CHIA: variants seen among roughly 807,000 people sequenced by gnomAD.
CHIA encodes acidic mammalian chitinase.
Under a neutral mutation model 53.5 loss-of-function variants are expected in CHIA, and 47 were observed. The ratio of observed to expected loss-of-function variants is 0.88; its 90% CI spans 0.70 to 1.12. The LOEUF is 1.12. CHIA is among the 50% of genes most tolerant of loss of function. CHIA has a pLI of 0.00. For synonymous variants in CHIA, 268 were observed against 222.2 expected, an observed-to-expected ratio of 1.21 and a Z score of -1.83; for missense variants, 652 against 592.2, an observed-to-expected ratio of 1.10 and a Z score of -1.05.
chr1:111,313,127 T>A (rs1055032867), intron 4 of CHIA, among the ~76,000 whole-genome samples: 6 of 152,198 alleles, frequency 3.9e-5, no homozygotes, highest in Admixed American at 6.5e-5. Context: ...AATTCAGATA[T>A]CTCTTCAACA....
rs1002967608 is a variant in CHIA, at chr1:111,302,336, G to A, written c.-68-8064G>A. Among the ~76,000 whole-genome samples, 30 of 152,114 alleles carry A rather than the reference G, an allele frequency of 2.0e-4. 1 individual carries two copies. Among genetic ancestry groups the A allele is most frequent in the Admixed American group, 1.8e-3 (28 of 15,280 alleles). On this transcript the variant is annotated intron_variant, in intron 1 of 11. Coordinates refer to ENST00000369740, the MANE Select transcript of CHIA (RefSeq NM_201653.4). ...TGTTTCTTTTTCTAGCTCCTTAGGT[G>A]TAATTAGATTGTCAATTTGACATTT...
rs548239621 is a variant in CHIA at position 111,290,913 on chromosome 1, G to C, written c.-106G>C. On this transcript the variant is annotated 5_prime_UTR_variant, in exon 1 of 12. Coordinates refer to ENST00000369740, the MANE Select transcript of CHIA (RefSeq NM_201653.4). The stretch of plus-strand genomic sequence containing the variant: ...GGTGGCCGACTCTGGAGCCCAGGCT[G>C]TTGCTTTCCAGTCTGGTGGTGAATC... 138 of 468,564 alleles carry C rather than the reference G, an allele frequency of 2.9e-4. 1 individual carries two copies. The highest frequency in any genetic ancestry group is 2.1e-3 in the South Asian group (134 of 64,446). The allele number at this position is 468,564 out of a possible 1,614,324, so 29.0% of individuals were successfully genotyped here. A position where few individuals can be genotyped will look rare whatever the true frequency, so the allele number is the denominator to read the frequency against.
At chr1:111,308,180 T>C (rs1332358470) in intron 1 of CHIA, among the ~76,000 whole-genome samples, 1 of 152,228 alleles carries the variant, frequency 6.6e-6, no homozygotes, top group Non-Finnish European at 1.5e-5. Flanking sequence ...ATGTTTAATC[T>C]GTAGGTCATG....
At chr1:111,291,290 A>T (rs532069324) in intron 1 of CHIA, among the ~76,000 whole-genome samples, 1 of 152,336 alleles carries the variant, frequency 6.6e-6, no homozygotes, top group East Asian at 1.9e-4. Context: ...GACTGGATAA[A>T]GAAAATGTGG....
intron 1 of CHIA, among the ~76,000 whole-genome samples, chr1:111,292,484 T>C (rs2101593263): frequency 6.6e-6 from 1 of 152,332 alleles, no homozygotes; most frequent in East Asian, 1.9e-4. Context: ...TCTTACCCTC[T>C]TTGTATGTGA....
In CHIA at chr1:111,312,191, C is replaced by T. The variant is rs545496572; in HGVS notation, c.57C>T (p.Gly19=). The part of the protein sequence containing the change: ...GLVLILNLQL[G]SAYQLTCYFT... ...GTCCCTCCTGCTGACTACACACAGG[C>T]TCTGCCTACCAGCTGACATGCTACT... Residue 19 remains glycine (G), a splice_region_variant and synonymous_variant, in exon 4 of 12, where the codon GGC becomes GGT. Transcript: ENST00000369740. The T allele has an allele frequency of 1.9e-6, 3 of 1,613,630 alleles. No individual in the cohort carries two copies. The highest frequency in any genetic ancestry group is 3.3e-5 in the Admixed American group (2 of 60,024).
chr1:111,310,541 T>C (rs2101635140), intron 2 of CHIA, 49 bp downstream of exon 2: 1 of 1,613,686 alleles, frequency 6.2e-7, no homozygotes, highest in South Asian at 1.1e-5. Context: ...AGTTTCTTTT[T>C]CTCTCACAGG....
chr1:111,299,865 C>T (rs543337232), intron 1 of CHIA, among the ~76,000 whole-genome samples: 30 of 152,264 alleles, frequency 2.0e-4, no homozygotes, highest in African/African-American at 5.3e-4. Context: ...CTTAAGCTGA[C>T]GATCAACTTC....
chr1:111,320,500 T>C lies in CHIA; in HGVS notation c.*34T>C, dbSNP rs372826781. On this transcript the variant is annotated 3_prime_UTR_variant, in exon 12 of 12. Coordinates refer to ENST00000369740, the MANE Select transcript of CHIA (RefSeq NM_201653.4). ...TGGTCTATATTCCCTAGAGTTCCAG[T>C]CTCTTTTGCTTAGGACATGTTGCCC... The C allele has an allele frequency of 1.9e-5, 31 of 1,596,260 alleles. No homozygotes were observed. The highest frequency in any genetic ancestry group is 2.5e-5 in the Non-Finnish European group (29 of 1,165,714).
At chr1:111,299,047 G>A (rs575483472) in intron 1 of CHIA, among the ~76,000 whole-genome samples, 4 of 152,168 alleles carry the variant, frequency 2.6e-5, no homozygotes, top group African/African-American at 9.6e-5. Flanking sequence ...GGAAGAAGTG[G>A]AATCTCTGAA....
chr1:111,300,935 C>T (rs1647673595), intron 1 of CHIA, among the ~76,000 whole-genome samples: 1 of 152,188 alleles, frequency 6.6e-6, no homozygotes, highest in Non-Finnish European at 1.5e-5. Flanking sequence ...TGAACAGACA[C>T]TTCTCAAAAG....
chr1:111,315,575 T>A (rs1369830881), intron 6 of CHIA, 140 bp downstream of exon 6: 1 of 889,728 alleles, frequency 1.1e-6, no homozygotes, highest in African/African-American at 1.7e-5. Flanking sequence ...TTATATATCG[T>A]GCGTTCATTA....
chr1:111,318,031 C>T lies in CHIA; in HGVS notation c.651C>T (p.Ser217=), dbSNP rs766839969. Residue 217 remains serine, a synonymous_variant, in exon 8 of 12, where the codon TCC becomes TCT. Coordinates refer to ENST00000369740, the MANE Select transcript of CHIA (RefSeq NM_201653.4). ...IHVMTYDLHG[S]WEGYTGENSP... ...TCATGACCTACGACCTCCATGGCTC[C>T]TGGGAGGGCTACACTGGAGAGAACA... The T allele has an allele frequency of 3.7e-6, 6 of 1,614,162 alleles. No homozygotes were observed. Among genetic ancestry groups the T allele is most frequent in the Non-Finnish European group, 5.1e-6 (6 of 1,180,018 alleles).
In CHIA at chr1:111,318,644, A is replaced by G. The variant is rs1265807849; in HGVS notation, c.881A>G (p.Tyr294Cys). 3.1e-6 allele frequency: 5 copies of G among 1,614,022 alleles called. No homozygotes were observed. Among genetic ancestry groups the G allele is most frequent in the Non-Finnish European group, 4.2e-6 (5 of 1,179,990 alleles). The change falls in exon 9 of 12, where the codon TAT becomes TGT. Residue 294 changes from tyrosine to cysteine, a missense_variant. Tyr to Cys is a radical substitution (Grantham distance 194, BLOSUM62 -2). Coordinates refer to ENST00000369740, the MANE Select transcript of CHIA (RefSeq NM_201653.4). The stretch of plus-strand genomic sequence containing the variant: ...TCTGGTGCTGGTCCTGCTGGGCCCT[A>G]TGCCAAGGAGTCTGGGATCTGGGCT... ...PTSGAGPAGP[Y>C]AKESGIWAYY...
intron 9 of CHIA, 107 bp downstream of exon 9, chr1:111,318,785 T>C: frequency 8.0e-7 from 1 of 1,256,776 alleles, no homozygotes; most frequent in South Asian, 1.5e-5. Flanking sequence ...CCTAAATGCT[T>C]TAAACACAGC....
Position 111,312,200 on chromosome 1 carries a change from C to A in CHIA, c.66C>A (p.Tyr22Ter). ...LILNLQLGSAYQLTCYFTNWA... is the reference protein window; with the variant it reads ...LILNLQLGSA ...GCTGACTACACACAGGCTCTGCCTA[C>A]CAGCTGACATGCTACTTCACCAACT... Residue 22 changes from tyrosine (Y) to a stop codon, truncating the protein, a stop_gained, in exon 4 of 12, where the codon TAC (tyrosine) becomes TAA (stop). Transcript: ENST00000369740. LOFTEE classifies it high-confidence loss of function. 6.2e-7 allele frequency: 1 copy of A among 1,613,950 alleles called. No individual in the cohort carries two copies. The highest frequency in any genetic ancestry group is 8.5e-7 in the Non-Finnish European group (1 of 1,179,836).
chr1:111,311,239 T>C (rs919089156), intron 2 of CHIA, among the ~76,000 whole-genome samples: 1 of 152,188 alleles, frequency 6.6e-6, no homozygotes, highest in Non-Finnish European at 1.5e-5. Context: ...TCTCTCCTCA[T>C]ATAAGGCCTC....
At chr1:111,297,477 G>A (rs563465747) in intron 1 of CHIA, among the ~76,000 whole-genome samples, 1 of 152,186 alleles carries the variant, frequency 6.6e-6, no homozygotes, top group Non-Finnish European at 1.5e-5. Flanking sequence ...GTCAAACTAA[G>A]CTTCATAAGT....
intron 6 of CHIA, chr1:111,315,877 A>G (rs6661725): frequency 0.54 from 245,933 of 453,750 alleles, 68,852 homozygotes; most frequent in South Asian, 0.64. Flanking sequence ...TACTGAGTAC[A>G]TATTCTGTGG....
Sources: gnomAD v4.1 joint callset for allele counts (sites outside exome capture counted in the v4.1 genomes callset) on GRCh38, gnomAD v4.1.1 for gene constraint, MANE v1.5 for transcripts, NCBI Gene and HGNC (gene_info 2026-07-23, HGNC 2026-07-21) for gene names.